IPPK: variants seen among roughly 807,000 people sequenced by gnomAD.
IPPK encodes the protein inositol-pentakisphosphate 2-kinase, also known as IPK1 homolog.
Under a neutral mutation model 64.6 loss-of-function variants are expected in IPPK, and 22 were observed. The observed-to-expected ratio is 0.34, with a 90% confidence interval of 0.24 to 0.49. The LOEUF is 0.49. Ranked by LOEUF, IPPK falls within the 20% of genes least tolerant of loss-of-function variation. The probability of loss-of-function intolerance (pLI) is 0.99; values close to 1 mark genes in which losing one functional copy is unlikely to be tolerated. For synonymous variants in IPPK, 262 were observed against 247.2 expected, an observed-to-expected ratio of 1.06 and a Z score of -0.56; for missense variants, 532 against 630.7, an observed-to-expected ratio of 0.84 and a Z score of 1.68.
chr9:92,640,602 GT>G (rs2131440645), intron 8 of IPPK, 107 bp downstream of exon 8: 1 of 790,542 alleles, frequency 1.3e-6, no homozygotes, highest in South Asian at 1.4e-5. Context: ...CAAAGGGGAT[GT>G]CAGACACACA....
chr9:92,670,065 C>G lies in IPPK; in HGVS notation c.-77G>C. 9.1e-7 allele frequency: 1 copy of G among 1,102,826 alleles called. No homozygotes were observed. Among genetic ancestry groups the G allele is most frequent in the Middle Eastern group, 2.2e-4 (1 of 4,558 alleles). The allele number at this position is 1,102,826 out of a possible 1,614,324, so 68.3% of individuals were successfully genotyped here. On this transcript the variant is annotated 5_prime_UTR_variant, in exon 1 of 13. Transcript: ENST00000287996. ...GGGGGCCGCCCGCCTCGCTGGGAACCAGCCGCTGCGGTCGGGGGAGGAGCG... is the reference window on the plus strand; with the variant it reads ...GGGGGCCGCCCGCCTCGCTGGGAACGAGCCGCTGCGGTCGGGGGAGGAGCG...
chr9:92,626,216 C>T (rs1260162502), intron 11 of IPPK, among the ~76,000 whole-genome samples: 1 of 151,776 alleles, frequency 6.6e-6, no homozygotes, highest in Non-Finnish European at 1.5e-5. Flanking sequence ...ACTAACACGG[C>T]GAAACCCCAT....
intron 7 of IPPK, 118 bp downstream of exon 7, chr9:92,642,634 G>C: frequency 1.2e-6 from 1 of 835,362 alleles, no homozygotes; most frequent in Non-Finnish European, 2.0e-6. Context: ...CCTGAAGACA[G>C]AACAGGGCCT....
chr9:92,655,237 A>G (rs1025524603), intron 3 of IPPK, among the ~76,000 whole-genome samples: 6 of 152,140 alleles, frequency 3.9e-5, no homozygotes, highest in African/African-American at 1.2e-4. Context: ...TTCTTCCCTC[A>G]CGTGGCCCTG....
intron 12 of IPPK, chr9:92,618,368 G>C (rs1002218790): frequency 1.5e-5 from 7 of 456,360 alleles, no homozygotes; most frequent in Non-Finnish European, 2.6e-5. Context: ...AGCTTTCCCC[G>C]CATGCTGGCT....
At position 92,635,414 on chromosome 9, in the gene IPPK, C is replaced by T. The variant is rs1179424186; in HGVS notation, c.917-106G>A. 1.2e-5 allele frequency: 14 copies of T among 1,209,938 alleles called. No individual in the cohort carries two copies. The highest frequency in any genetic ancestry group is 5.0e-5 in the East Asian group (2 of 40,270). 75.0% of individuals were successfully genotyped at this position (1,209,938 alleles called of 1,614,324 possible). On this transcript the variant is annotated intron_variant, in intron 9 of 12. Coordinates refer to ENST00000287996, the MANE Select transcript of IPPK (RefSeq NM_022755.6). This position sits in a 1 kb window ranked among gnomAD's most constrained non-coding sequence, Gnocchi z 4.4. ...AGGGCTCATCCTGGGCTCCGCCATA[C>T]GGGCATCACCACAGGCAAGGACTGC...
intron 6 of IPPK, among the ~76,000 whole-genome samples, chr9:92,647,113 A>G (rs544731107): frequency 5.3e-5 from 8 of 152,208 alleles, no homozygotes; most frequent in African/African-American, 1.9e-4. Flanking sequence ...CCAAATTACT[A>G]AAGTCAGATA....
chr9:92,667,244 T>C (rs929154634), intron 1 of IPPK, among the ~76,000 whole-genome samples: 4 of 152,232 alleles, frequency 2.6e-5, no homozygotes, highest in Non-Finnish European at 5.9e-5. Context: ...AGGGTCCACC[T>C]GCTCCCACAC....
chr9:92,642,086 G>A (rs1263032927), intron 7 of IPPK, among the ~76,000 whole-genome samples: 5 of 152,216 alleles, frequency 3.3e-5, no homozygotes, highest in Middle Eastern at 3.2e-3. Context: ...CCCACCCTCA[G>A]CCCTGCCAGC....
At chr9:92,636,657 A>T (rs541913650) in intron 9 of IPPK, among the ~76,000 whole-genome samples, 5,493 of 70,332 alleles carry the variant, frequency 0.078, 137 homozygotes, top group Middle Eastern at 0.22. Context: ...TAATTAATTT[A>T]AAAAAAAAAC....
intron 3 of IPPK, among the ~76,000 whole-genome samples, chr9:92,652,934 C>T (rs1193550772): frequency 2.6e-5 from 4 of 152,322 alleles, no homozygotes; most frequent in Non-Finnish European, 5.9e-5. Flanking sequence ...GCCTCAAAGC[C>T]AGCTTCTCTC....
At chr9:92,628,321 T>C (rs1851771597) in intron 11 of IPPK, among the ~76,000 whole-genome samples, 1 of 152,210 alleles carries the variant, frequency 6.6e-6, no homozygotes, top group African/African-American at 2.4e-5. Flanking sequence ...ACGAAGCTGA[T>C]TCTAAAATTC....
In IPPK at chr9:92,648,114, A is replaced by ACAT. The variant is rs758543597; in HGVS notation, c.446_448dup (p.Asp149dup). On this transcript the variant is annotated inframe_insertion, in exon 6 of 13. Transcript: ENST00000287996. ...GACCTTATGCTTCATCTCATGCGTG[A>ACAT]CATCACTCGAGAAAGGAATAAACCC... 6.2e-7 allele frequency: 1 copy of ACAT among 1,613,746 alleles called. No individual in the cohort carries two copies.
In IPPK at chr9:92,635,420, T is replaced by C. The variant is rs2131433988; in HGVS notation, c.917-112A>G. 8.6e-7 allele frequency: 1 copy of C among 1,161,500 alleles called. No individual in the cohort carries two copies. The highest frequency in any genetic ancestry group is 1.5e-5 in the South Asian group (1 of 66,342). The allele number at this position is 1,161,500 out of a possible 1,614,324, so 71.9% of individuals were successfully genotyped here. A position where few individuals can be genotyped will look rare whatever the true frequency, so the allele number is the denominator to read the frequency against. Reference sequence around the variant, plus strand: ...CATCCTGGGCTCCGCCATACGGGCATCACCACAGGCAAGGACTGCACCCTG... The same window carrying C: ...CATCCTGGGCTCCGCCATACGGGCACCACCACAGGCAAGGACTGCACCCTG... On this transcript the variant is annotated intron_variant, in intron 9 of 12. Coordinates refer to ENST00000287996, the MANE Select transcript of IPPK (RefSeq NM_022755.6). The surrounding 1 kb of genome is among the most constrained non-coding windows in gnomAD (Gnocchi z 4.4).
At chr9:92,644,362 A>C (rs1333330660) in intron 6 of IPPK, among the ~76,000 whole-genome samples, 1 of 152,188 alleles carries the variant, frequency 6.6e-6, no homozygotes, top group Non-Finnish European at 1.5e-5. Context: ...AGAACCTTGA[A>C]AATGAACAGC....
At chr9:92,658,510 T>C in intron 2 of IPPK, 124 bp downstream of exon 2, 1 of 821,172 alleles carries the variant, frequency 1.2e-6, no homozygotes, top group East Asian at 2.4e-5. Flanking sequence ...CACCACTTTC[T>C]GCACTGAATG....
chr9:92,631,452 G>A (rs1383023396), intron 11 of IPPK, among the ~76,000 whole-genome samples: 2 of 152,126 alleles, frequency 1.3e-5, no homozygotes, highest in African/African-American at 2.4e-5. Context: ...ACAGTGTTGG[G>A]ATTATAGGCG....
chr9:92,626,207 C>T (rs1851730389), intron 11 of IPPK, among the ~76,000 whole-genome samples: 1 of 152,060 alleles, frequency 6.6e-6, no homozygotes, highest in Non-Finnish European at 1.5e-5. Context: ...ACCATCCTGA[C>T]TAACACGGCG....
chr9:92,614,035 G>A lies in IPPK; in HGVS notation c.*1797C>T, dbSNP rs1383379848. ...CACAGCCCGGGCTGGTGGGAGCCAA[G>A]ACCAGACAGAGTGGGGGTCTCCATC... On this transcript the variant is annotated 3_prime_UTR_variant, in exon 13 of 13. Transcript: ENST00000287996. 1 of 152,284 alleles carries A rather than the reference G, an allele frequency of 6.6e-6. No homozygotes were observed. The highest frequency in any genetic ancestry group is 1.5e-5 in the Non-Finnish European group (1 of 68,124). 9.4% of individuals were successfully genotyped at this position (152,284 alleles called of 1,614,324 possible). A position where few individuals can be genotyped will look rare whatever the true frequency, so the allele number is the denominator to read the frequency against.
Sources: gnomAD v4.1 joint callset for allele counts (sites outside exome capture counted in the v4.1 genomes callset) on GRCh38, gnomAD v4.1.1 for gene constraint, Gnocchi (gnomAD v3.1) non-coding constraint, MANE v1.5 for transcripts, NCBI Gene and HGNC (gene_info 2026-07-23, HGNC 2026-07-21) for gene names.